The following ABCC4 variants were observed in gnomAD, a reference collection of about 807,000 sequenced individuals.
ABCC4 encodes the protein ATP-binding cassette sub-family C member 4.
ABCC4 carries 102 observed loss-of-function variants against 168.5 expected under a neutral mutation model. The ratio of observed to expected loss-of-function variants is 0.61; its 90% CI spans 0.52 to 0.71. The LOEUF is 0.71. Among genes scored for constraint, ABCC4 ranks in the 30% least tolerant of loss-of-function variants. ABCC4 has a pLI of 0.00. For synonymous variants in ABCC4, 617 were observed against 590.7 expected, an observed-to-expected ratio of 1.04 and a Z score of -0.65; for missense variants, 1,402 against 1,605.8, an observed-to-expected ratio of 0.87 and a Z score of 2.17.
chr13:95,090,358 G>A (rs543039249), intron 20 of ABCC4, among the ~76,000 whole-genome samples: 1 of 152,270 alleles, frequency 6.6e-6, no homozygotes, highest in East Asian at 1.9e-4. Context: ...CCGTCACAGG[G>A]TCCATTGCAC....
chr13:95,098,581 G>A (rs572951747), intron 20 of ABCC4, among the ~76,000 whole-genome samples: 5 of 152,112 alleles, frequency 3.3e-5, no homozygotes, highest in African/African-American at 4.8e-5. Context: ...CAGTGAAGAC[G>A]AAATAAGCAA....
intron 30 of ABCC4, among the ~76,000 whole-genome samples, chr13:95,026,224 C>T (rs112251629): frequency 0.061 from 9,325 of 151,734 alleles, 950 homozygotes; most frequent in African/African-American, 0.21. Context: ...GTGGAATAGA[C>T]GGAGACTCTG....
intron 4 of ABCC4, among the ~76,000 whole-genome samples, chr13:95,220,184 GAATAT>G (rs1293127623): frequency 4.7e-5 from 3 of 64,010 alleles, no homozygotes; most frequent in Non-Finnish European, 1.5e-4. Context: ...GCTTCTAAAA[GAATAT>G]TATAAGAAAC....
intron 30 of ABCC4, among the ~76,000 whole-genome samples, chr13:95,027,661 G>A (rs890817747): frequency 1.3e-5 from 2 of 152,172 alleles, no homozygotes; most frequent in African/African-American, 4.8e-5. Flanking sequence ...GGAGACAGAA[G>A]TGTATTTATA....
chr13:95,058,404 A>G (rs1336841220), intron 26 of ABCC4, among the ~76,000 whole-genome samples: 1 of 151,648 alleles, frequency 6.6e-6, no homozygotes, highest in African/African-American at 2.4e-5. Flanking sequence ...CTCTGTCTCT[A>G]CTAAAAATAC....
intron 20 of ABCC4, among the ~76,000 whole-genome samples, chr13:95,109,407 C>CACAT (rs1293499757): frequency 1.3e-5 from 2 of 152,088 alleles, no homozygotes; most frequent in African/African-American, 4.8e-5. Flanking sequence ...CACACACACA[C>CACAT]ACACACACAC....
intron 30 of ABCC4, among the ~76,000 whole-genome samples, chr13:95,031,394 C>T (rs572162051): frequency 4.6e-5 from 7 of 152,276 alleles, no homozygotes; most frequent in East Asian, 1.9e-4. Context: ...TGACACAGAA[C>T]GCTACTTAGG....
intron 19 of ABCC4, among the ~76,000 whole-genome samples, chr13:95,146,208 C>CA (rs796273450): frequency 0.24 from 30,053 of 124,662 alleles, 4,139 homozygotes; most frequent in Middle Eastern, 0.35. Flanking sequence ...AAGACTCTCT[C>CA]AAAAAAAAAA....
intron 19 of ABCC4, among the ~76,000 whole-genome samples, chr13:95,159,049 C>T (rs998546227): frequency 7.0e-6 from 1 of 143,614 alleles, no homozygotes. Context: ...CATCACTGCA[C>T]TCCAGTCTAG....
chr13:95,088,934 A>G lies in ABCC4; in HGVS notation c.2536-5644T>C, dbSNP rs189043582. ...GCCTCATTATATAAAAAAACTGATG[A>G]AATCAATAAACTTCAAAAAGACTAA... On this transcript the variant is annotated intron_variant, in intron 20 of 30. Transcript: ENST00000645237. Among the ~76,000 whole-genome samples, 326 of 152,214 alleles carry G rather than the reference A, an allele frequency of 2.1e-3. 1 individual carries two copies. The highest frequency in any genetic ancestry group is 3.9e-3 in the Non-Finnish European group (266 of 67,984).
chr13:95,077,085 CG>C (rs2033932073), intron 21 of ABCC4, among the ~76,000 whole-genome samples: 1 of 152,172 alleles, frequency 6.6e-6, no homozygotes, highest in African/African-American at 2.4e-5. Flanking sequence ...TGCATAGCAG[CG>C]GACATGAGGG....
chr13:95,066,984 G>C (rs891340189), intron 25 of ABCC4, among the ~76,000 whole-genome samples: 16 of 152,190 alleles, frequency 1.1e-4, no homozygotes, highest in African/African-American at 3.4e-4. Flanking sequence ...TATTAGGGTG[G>C]ATTACAGCTG....
chr13:95,093,620 G>A lies in ABCC4; in HGVS notation c.2536-10330C>T, dbSNP rs148745339. On this transcript the variant is annotated intron_variant, in intron 20 of 30. Coordinates refer to ENST00000645237, the MANE Select transcript of ABCC4 (RefSeq NM_005845.5). The stretch of plus-strand genomic sequence containing the variant: ...GGGGAAAAGTTGAAAGCATTTCCTC[G>A]GAGAACTGGAACAAGACAAGGATGC... Among the ~76,000 whole-genome samples, 557 of 152,118 alleles carry A rather than the reference G, an allele frequency of 3.7e-3. 2 individuals are homozygous for A. Among genetic ancestry groups the A allele is most frequent in the Middle Eastern group, 0.02 (6 of 294 alleles).
intron 20 of ABCC4, among the ~76,000 whole-genome samples, chr13:95,093,258 A>C (rs567833346): frequency 6.6e-6 from 1 of 152,288 alleles, no homozygotes; most frequent in South Asian, 2.1e-4. Context: ...CTGCAAACCG[A>C]TATCCTTGAT....
At chr13:95,156,661 A>T (rs561396779) in intron 19 of ABCC4, among the ~76,000 whole-genome samples, 1 of 152,284 alleles carries the variant, frequency 6.6e-6, no homozygotes, top group East Asian at 1.9e-4. Flanking sequence ...TAATCAAAAT[A>T]TGAAGGAGGT....
intron 20 of ABCC4, among the ~76,000 whole-genome samples, chr13:95,109,375 G>A (rs1490872085): frequency 1.5e-5 from 2 of 136,582 alleles, no homozygotes; most frequent in South Asian, 2.5e-4. Context: ...ATTTGAGGGT[G>A]AGCCACAGGT....
At chr13:95,034,833 A>G (rs2032051350) in intron 29 of ABCC4, 94 bp from the exon 30 acceptor site, 1 of 1,566,036 alleles carries the variant, frequency 6.4e-7, no homozygotes, top group Non-Finnish European at 8.7e-7. Flanking sequence ...CAGGAGAGGG[A>G]GAGAATCTGT....
Position 95,246,987 on chromosome 13 carries a change from A to G in ABCC4, c.294T>C (p.Phe98=). 4 of 1,611,966 alleles carry G rather than the reference A, an allele frequency of 2.5e-6. No individual in the cohort carries two copies. The highest frequency in any genetic ancestry group is 3.4e-6 in the Non-Finnish European group (4 of 1,179,006). ...YWKSYLVLGI[F]TLIEESAKVI... is the part of the protein sequence containing the mutation. Reference sequence around the variant, plus strand: ...TAAAAGCTTTTACCTCAATTAACGTAAAAATTCCCAAAACTAAATAAGATT... The same window carrying G: ...TAAAAGCTTTTACCTCAATTAACGTGAAAATTCCCAAAACTAAATAAGATT... The change falls in exon 3 of 31, where the codon TTT becomes TTC. Residue 98 remains phenylalanine, a synonymous_variant. Transcript: ENST00000645237.
intron 13 of ABCC4, among the ~76,000 whole-genome samples, 192 bp from the exon 14 acceptor site, chr13:95,170,820 T>C (rs2037444786): frequency 6.6e-6 from 1 of 152,118 alleles, no homozygotes; most frequent in Non-Finnish European, 1.5e-5. Context: ...AATACGAGCC[T>C]TGCTGTGGTG....
Sources: allele counts gnomAD v4.1 joint callset (sites outside exome capture counted in the v4.1 genomes callset), GRCh38; gene constraint gnomAD v4.1.1; transcripts MANE v1.5; gene names NCBI Gene and HGNC (gene_info 2026-07-23, HGNC 2026-07-21).